BET1: variants seen among roughly 807,000 people sequenced by gnomAD.
The protein encoded by BET1 is Bet1 golgi vesicular membrane trafficking protein.
BET1 carries 9 observed loss-of-function variants against 13.9 expected under a neutral mutation model. That is an observed-to-expected ratio of 0.65 (90% CI 0.39 to 1.13). The LOEUF is 1.13. Ranked by LOEUF, BET1 falls within the 50% of genes most tolerant of loss-of-function variation. The probability of loss-of-function intolerance (pLI) is 0.01; values close to 1 mark genes in which losing one functional copy is unlikely to be tolerated. For missense variants in BET1, 127 were observed against 133.6 expected (o/e 0.95, Z 0.24); for synonymous variants, 39 against 47.3 (o/e 0.82, Z 0.72).
At chr7:93,974,675 A>G (rs1207306442) in intron 5 of BET1, among the ~76,000 whole-genome samples, 2 of 152,062 alleles carry the variant, frequency 1.3e-5, no homozygotes, top group Non-Finnish European at 1.5e-5. Context: ...TCTTCTTTAG[A>G]AAAAGATTCC....
Position 93,995,972 on chromosome 7 carries a change from G to T in BET1, c.201+293C>A, listed in dbSNP as rs969298894. The T allele has an allele frequency of 7.1e-6, 3 of 425,028 alleles. No homozygotes were observed. The East Asian group carries it at 1.1e-4, about 16-fold the overall frequency. The allele number at this position is 425,028 out of a possible 1,614,324, so 26.3% of individuals were successfully genotyped here. On this transcript the variant is annotated intron_variant, in intron 3 of 3. Transcript: ENST00000222547. ...AATTACTAGTAGTCTCTACTATTGA[G>T]ACTTCTAAGACTACTCAAAATAGTC...
chr7:93,981,641 A>G (rs1253451404), intron 4 of BET1, among the ~76,000 whole-genome samples: 1 of 152,192 alleles, frequency 6.6e-6, no homozygotes, highest in Non-Finnish European at 1.5e-5. Context: ...CAGAAGGGCA[A>G]TTCCTGGAAT....
chr7:93,979,515 C>A (rs980293355), intron 4 of BET1, among the ~76,000 whole-genome samples: 11 of 151,998 alleles, frequency 7.2e-5, no homozygotes, highest in African/African-American at 2.7e-4. Context: ...TCAGCAAGAA[C>A]CTTCCTTCTC....
At chr7:93,972,267 A>T (rs1196730772) in intron 6 of BET1, 2 of 151,940 alleles carry the variant, frequency 1.3e-5, no homozygotes, top group African/African-American at 4.8e-5. Context: ...CAGGCAATGA[A>T]ACCAATATGC....
rs1423453156 is a variant in BET1 at position 93,993,849 on chromosome 7, G to C, written c.*381C>G. ...ACTGGCTGACTACTTCAAGAGCTCA[G>C]AGTCAGGCTCTCCAGGCATTCTGTT... On this transcript the variant is annotated 3_prime_UTR_variant, in exon 4 of 4. Coordinates refer to ENST00000222547, the MANE Select transcript of BET1 (RefSeq NM_005868.6). 3 of 1,534,966 alleles carry C rather than the reference G, an allele frequency of 2.0e-6. No homozygotes were observed. Among genetic ancestry groups the C allele is most frequent in the Non-Finnish European group, 2.6e-6 (3 of 1,146,498 alleles).
chr7:93,975,528 G>A (rs987109584), intron 5 of BET1, among the ~76,000 whole-genome samples: 2 of 151,956 alleles, frequency 1.3e-5, no homozygotes, highest in African/African-American at 4.8e-5. Flanking sequence ...TATGGCTTTA[G>A]TTGTAAAAAA....
At chr7:93,976,109 A>G in intron 4 of BET1, 1 of 1,193,598 alleles carries the variant, frequency 8.4e-7, no homozygotes, top group South Asian at 1.5e-5. Context: ...CACTGTAAAA[A>G]CAGATGGAGA....
intron 4 of BET1, among the ~76,000 whole-genome samples, chr7:93,985,348 C>T (rs1194408361): frequency 2.6e-5 from 4 of 152,090 alleles, no homozygotes; most frequent in South Asian, 4.1e-4. Flanking sequence ...TGGCTCTGGG[C>T]CAGAATTTTA....
intron 3 of BET1, among the ~76,000 whole-genome samples, chr7:93,995,708 C>A (rs1795752475): frequency 1.3e-5 from 2 of 152,108 alleles, no homozygotes; most frequent in South Asian, 4.1e-4. Context: ...TTTAAAAGCA[C>A]ATGGAACCAG....
At chr7:93,990,456 T>A (rs1464372415), downstream of BET1, among the ~76,000 whole-genome samples, 1 of 152,114 alleles carries the variant, frequency 6.6e-6, no homozygotes, top group Non-Finnish European at 1.5e-5. Context: ...ATATCTGTTG[T>A]ATATAGACAT....
At chr7:93,991,867 C>T, downstream of BET1, 6 of 973,594 alleles carry the variant, frequency 6.2e-6, no homozygotes, top group Non-Finnish European at 7.3e-6. Flanking sequence ...TTATCAAACA[C>T]TTTTTCAACA....
intron 1 of BET1, 99 bp downstream of exon 1, chr7:94,004,099 G>C (rs1250025796): frequency 6.4e-7 from 1 of 1,563,204 alleles, no homozygotes; most frequent in African/African-American, 1.4e-5. Flanking sequence ...CTGTTTTTTG[G>C]ACCAAATGCC....
At chr7:93,997,205 A>G (rs778730619) in intron 2 of BET1, among the ~76,000 whole-genome samples, 2 of 152,138 alleles carry the variant, frequency 1.3e-5, no homozygotes, top group Non-Finnish European at 1.5e-5. Context: ...AATCTTGGTA[A>G]ATCACTGCAA....
At chr7:93,973,566 GA>G (rs757222345) in intron 5 of BET1, among the ~76,000 whole-genome samples, 332 of 150,866 alleles carry the variant, frequency 2.2e-3, no homozygotes, top group African/African-American at 7.2e-3. Flanking sequence ...AAAGAACTCA[GA>G]AAAAAAAATG....
Position 93,999,315 on chromosome 7 carries a change from A to C in BET1, c.20-21T>G, listed in dbSNP as rs771633854. On this transcript the variant is annotated intron_variant, in intron 1 of 3. Coordinates refer to ENST00000222547, the MANE Select transcript of BET1 (RefSeq NM_005868.6). ...TTCACCTGCAAGGATCAGAGTCACA[A>C]AGGTGGTTCTAGAGAAGCCACTTTT... 13 of 1,591,890 alleles carry C rather than the reference A, an allele frequency of 8.2e-6. No homozygotes were observed. The highest frequency in any genetic ancestry group is 3.5e-5 in the Admixed American group (2 of 56,474).
chr7:93,969,138 T>A (rs747364433), intron 6 of BET1, among the ~76,000 whole-genome samples: 1 of 151,872 alleles, frequency 6.6e-6, no homozygotes. Context: ...GGTTGCCCAA[T>A]GACTTTGCCC....
At chr7:93,969,657 C>T (rs573484830) in intron 6 of BET1, 2 of 151,822 alleles carry the variant, frequency 1.3e-5, no homozygotes, top group African/African-American at 4.8e-5. Context: ...TGAGCACATG[C>T]TGACTTCATG....
Position 93,994,197 on chromosome 7 carries a change from T to G in BET1, c.*33A>C. On this transcript the variant is annotated 3_prime_UTR_variant, in exon 4 of 4. Transcript: ENST00000222547. ...CAAAGTGGTACTGCAAGCCATTAAG[T>G]TGGAACAAATTCCAAATTCACAATT... is the stretch of plus-strand genomic sequence containing the variant. 1 of 1,579,440 alleles carries G rather than the reference T, an allele frequency of 6.3e-7. No individual in the cohort carries two copies. The highest frequency in any genetic ancestry group is 1.4e-5 in the African/African-American group (1 of 73,734).
intron 3 of BET1, chr7:93,995,914 G>T (rs1311601071): frequency 5.8e-6 from 2 of 344,038 alleles, no homozygotes; most frequent in African/African-American, 4.2e-5. Context: ...TAGTTGGTTG[G>T]ATATCAAGTG....
Sources: gnomAD v4.1 joint callset for allele counts (sites outside exome capture counted in the v4.1 genomes callset) on GRCh38, gnomAD v4.1.1 for gene constraint, MANE v1.5 for transcripts, NCBI Gene and HGNC (gene_info 2026-07-23, HGNC 2026-07-21) for gene names.